The following HPSE2 variants were observed in gnomAD, a reference collection of about 807,000 sequenced individuals.
HPSE2 encodes the protein heparanase 2 (inactive).
A neutral mutation model predicts 60.5 loss-of-function variants in HPSE2; 38 were observed. That is an observed-to-expected ratio of 0.63 (90% confidence interval 0.48 to 0.82). The LOEUF (loss-of-function observed/expected upper bound fraction) is 0.82, where lower values mean the gene tolerates loss of function less well. HPSE2 is among the 40% of genes least tolerant of loss of function. The pLI is 0.00. For missense variants in HPSE2, 713 were observed against 740.4 expected (o/e 0.96, Z 0.43); for synonymous variants, 295 against 293.2 (o/e 1.01, Z -0.06).
chr10:99,210,812 T>A (rs916853779), intron 2 of HPSE2, among the ~76,000 whole-genome samples: 1 of 152,128 alleles, frequency 6.6e-6, no homozygotes, highest in African/African-American at 2.4e-5. Flanking sequence ...ACAGCTAACG[T>A]TATACTCAAC....
intron 2 of HPSE2, among the ~76,000 whole-genome samples, chr10:99,228,800 C>A (rs1315604310): frequency 6.6e-6 from 1 of 152,178 alleles, no homozygotes; most frequent in Non-Finnish European, 1.5e-5. Context: ...CATTAATGTG[C>A]TCAGAAAGTA....
At chr10:98,596,609 T>C (rs1488766430) in intron 9 of HPSE2, among the ~76,000 whole-genome samples, 3 of 152,154 alleles carry the variant, frequency 2.0e-5, no homozygotes, top group African/African-American at 7.2e-5. Flanking sequence ...CTTTCCTGGG[T>C]AAAGTATTCT....
intron 3 of HPSE2, among the ~76,000 whole-genome samples, chr10:98,841,900 G>T (rs755021497): frequency 3.3e-5 from 5 of 151,408 alleles, no homozygotes; most frequent in Non-Finnish European, 5.9e-5. Flanking sequence ...TCTGCCTCCC[G>T]GGTTCAAGCA....
At chr10:99,305,976 C>A in the HPSE2 span, among the ~76,000 whole-genome samples, 1 of 127,190 alleles carries the variant, frequency 7.9e-6, no homozygotes, top group African/African-American at 3.4e-5. Flanking sequence ...CGCGCGCGCG[C>A]GCGCACACAC....
chr10:99,081,872 G>A (rs192791203), intron 3 of HPSE2, among the ~76,000 whole-genome samples: 21 of 152,136 alleles, frequency 1.4e-4, no homozygotes, highest in African/African-American at 3.6e-4. Flanking sequence ...TCCTGACCAC[G>A]TGATCCGCCC....
chr10:99,302,871 G>T, the HPSE2 span, among the ~76,000 whole-genome samples: 1 of 150,886 alleles, frequency 6.6e-6, no homozygotes, highest in Non-Finnish European at 1.5e-5. Context: ...GACATACCCT[G>T]GGGAGGACTG....
At chr10:99,027,353 A>C (rs957468469) in intron 3 of HPSE2, among the ~76,000 whole-genome samples, 1 of 152,058 alleles carries the variant, frequency 6.6e-6, no homozygotes, top group Non-Finnish European at 1.5e-5. Flanking sequence ...TATACCAATA[A>C]ATTGGAAAAT....
intron 3 of HPSE2, among the ~76,000 whole-genome samples, chr10:98,782,786 G>A: frequency 1.6e-5 from 1 of 64,208 alleles, no homozygotes; most frequent in Non-Finnish European, 4.4e-5. Flanking sequence ...ATGTTCTGTA[G>A]GGCTCCTGAC....
intron 3 of HPSE2, among the ~76,000 whole-genome samples, chr10:98,958,076 T>C (rs1329721617): frequency 6.6e-6 from 1 of 152,090 alleles, no homozygotes; most frequent in Non-Finnish European, 1.5e-5. Context: ...TTCCAGAAAG[T>C]TCAGCTGTTT....
chr10:99,198,548 C>T (rs1451813209), intron 2 of HPSE2, among the ~76,000 whole-genome samples: 2 of 152,102 alleles, frequency 1.3e-5, no homozygotes, highest in African/African-American at 4.8e-5. Context: ...TAACAGATGG[C>T]ATGATTTTAT....
chr10:98,518,559 T>C (rs780171794), intron 9 of HPSE2, among the ~76,000 whole-genome samples: 14 of 151,752 alleles, frequency 9.2e-5, no homozygotes, highest in Non-Finnish European at 2.1e-4. Context: ...TGAAAAAAAA[T>C]TAGCTGGGCG....
At chr10:99,176,571 G>A (rs1044312293) in intron 2 of HPSE2, among the ~76,000 whole-genome samples, 1 of 151,896 alleles carries the variant, frequency 6.6e-6, no homozygotes, top group Non-Finnish European at 1.5e-5. Context: ...CAAGATTACA[G>A]AAAAAATAAT....
At chr10:98,593,081 T>C (rs956612824) in intron 9 of HPSE2, among the ~76,000 whole-genome samples, 4 of 152,212 alleles carry the variant, frequency 2.6e-5, no homozygotes, top group African/African-American at 9.6e-5. Context: ...ATGTACCTCT[T>C]ATGTGCTAGG....
intron 2 of HPSE2, among the ~76,000 whole-genome samples, chr10:99,206,789 C>T (rs1399460178): frequency 6.6e-6 from 1 of 151,250 alleles, no homozygotes; most frequent in African/African-American, 2.4e-5. Flanking sequence ...CAATAGAGAG[C>T]CTCAACAGCA....
chr10:99,179,818 A>G (rs1847687441), intron 2 of HPSE2, among the ~76,000 whole-genome samples: 2 of 152,190 alleles, frequency 1.3e-5, no homozygotes, highest in African/African-American at 4.8e-5. Flanking sequence ...ATCCTAAGCA[A>G]AAAGAACAAA....
chr10:99,196,491 G>A (rs959604047), intron 2 of HPSE2, among the ~76,000 whole-genome samples: 1 of 151,854 alleles, frequency 6.6e-6, no homozygotes, highest in Non-Finnish European at 1.5e-5. Context: ...AATACATAAG[G>A]AGCCCAAACA....
At chr10:99,273,803 C>A in the HPSE2 span, among the ~76,000 whole-genome samples, 2 of 152,166 alleles carry the variant, frequency 1.3e-5, no homozygotes, top group Non-Finnish European at 2.9e-5. Context: ...TGACAGAACT[C>A]TCTTTTAAAA....
chr10:98,845,442 CA>C (rs530062747), intron 3 of HPSE2, among the ~76,000 whole-genome samples: 55 of 152,146 alleles, frequency 3.6e-4, no homozygotes, highest in Non-Finnish European at 7.3e-4. Flanking sequence ...ATCTATATAG[CA>C]AATCACAAAG....
intron 9 of HPSE2, among the ~76,000 whole-genome samples, chr10:98,507,152 G>A (rs991224795): frequency 2.0e-5 from 3 of 152,154 alleles, no homozygotes; most frequent in African/African-American, 7.2e-5. Flanking sequence ...GTTACCTTGG[G>A]TGGGACAGGA....
Sources: gnomAD v4.1 joint callset for allele counts (sites outside exome capture counted in the v4.1 genomes callset) on GRCh38, gnomAD v4.1.1 for gene constraint, MANE v1.5 for transcripts, NCBI Gene and HGNC (gene_info 2026-07-23, HGNC 2026-07-21) for gene names.